The following CEP250 variants were observed in gnomAD, a reference collection of about 807,000 sequenced individuals.
CEP250 encodes the protein centrosomal protein 250, also known as centrosome-associated protein CEP250.
CEP250 carries 242 observed loss-of-function variants against 315.7 expected under a neutral mutation model. The ratio of observed to expected loss-of-function variants is 0.77; its 90% CI spans 0.69 to 0.85. CEP250 has a LOEUF of 0.85. Ranked by LOEUF, CEP250 falls within the 40% of genes least tolerant of loss-of-function variation. The pLI is 0.00. For synonymous variants in CEP250, 1,088 were observed against 1,175.0 expected (o/e 0.93, Z 1.51); for missense variants, 2,515 against 2,886.4 (o/e 0.87, Z 2.95).
In CEP250 at chr20:35,497,935, C is replaced by A. The variant is rs138159510; in HGVS notation, c.3523C>A (p.Gln1175Lys). The change falls in exon 26 of 35, where the codon CAG becomes AAG. Residue 1175 changes from glutamine (Q) to lysine (K), a missense_variant. Coordinates refer to ENST00000397527, the MANE Select transcript of CEP250 (RefSeq NM_007186.6). ...ALAAEQQPGN[Q>K]AQAQAQLASL... ...GGCCGCAGAGCAGCAGCCCGGGAACCAGGCCCAGGCCCAGGCCCAGCTGGC... is the reference window on the plus strand; with the variant it reads ...GGCCGCAGAGCAGCAGCCCGGGAACAAGGCCCAGGCCCAGGCCCAGCTGGC... 68 of 1,610,268 alleles carry A rather than the reference C, an allele frequency of 4.2e-5. 1 individual carries two copies. In the African/African-American group the frequency reaches 8.6e-4, roughly 20 times the overall value.
chr20:35,501,823 C>A, intron 28 of CEP250, 22 bp from the exon 29 acceptor site: 1 of 1,429,770 alleles, frequency 7.0e-7, no homozygotes, highest in Non-Finnish European at 9.1e-7. Context: ...TACCTCTCCT[C>A]TCCTCTCCTC....
intron 11 of CEP250, 112 bp downstream of exon 11, chr20:35,472,263 G>A (rs374268270): frequency 2.8e-6 from 2 of 702,260 alleles, no homozygotes; most frequent in Non-Finnish European, 5.1e-6. Flanking sequence ...GGTGCTTAAA[G>A]TCTTGTGGGG....
chr20:35,466,832 A>G (rs2062890424), intron 7 of CEP250, 134 bp from the exon 8 acceptor site: 1 of 632,308 alleles, frequency 1.6e-6, no homozygotes, highest in African/African-American at 1.8e-5. Flanking sequence ...TAACCTGGAT[A>G]GATACCCATT....
rs2064436051 is a variant in CEP250 at position 35,516,400 on chromosome 20, G to C, written c.*4774G>C. The C allele has an allele frequency of 6.6e-6, 1 of 152,200 alleles. No homozygotes were observed. The highest frequency in any genetic ancestry group is 2.1e-4 in the South Asian group (1 of 4,822). 9.4% of individuals were successfully genotyped at this position (152,200 alleles called of 1,614,324 possible). On this transcript the variant is annotated 3_prime_UTR_variant, in exon 35 of 35. Coordinates refer to ENST00000397527, the MANE Select transcript of CEP250 (RefSeq NM_007186.6). ...ATCTATGAACATTCCAGCCCTGCAG[G>C]TCAGATTGCTGGCCAGGAGTAGTCT...
At chr20:35,498,796 C>A (rs2063921586) in intron 27 of CEP250, 80 bp downstream of exon 27, 2 of 1,448,824 alleles carry the variant, frequency 1.4e-6, no homozygotes, top group Non-Finnish European at 1.8e-6. Context: ...AGCAGTTTGA[C>A]CTGTTTTATT....
chr20:35,508,805 C>T, intron 32 of CEP250, 138 bp from the exon 33 acceptor site: 1 of 686,168 alleles, frequency 1.5e-6, no homozygotes. Context: ...GCTGTGCCTT[C>T]CTCAGCCAGG....
At chr20:35,490,025 T>C (rs2063639647) in intron 20 of CEP250, among the ~76,000 whole-genome samples, 1 of 151,782 alleles carries the variant, frequency 6.6e-6, no homozygotes, top group Admixed American at 6.6e-5. Context: ...AAAATAAGAA[T>C]GCCTAGGCTA....
chr20:35,465,538 A>G (rs1601126620), intron 5 of CEP250, among the ~76,000 whole-genome samples: 1 of 152,084 alleles, frequency 6.6e-6, no homozygotes, highest in African/African-American at 2.4e-5. Context: ...TGAAGATTCT[A>G]TTTACTACTG....
At chr20:35,467,166 T>TGGGGGGGGGGGGGGGGG in intron 8 of CEP250, 94 bp downstream of exon 8, 2 of 103,502 alleles carry the variant, frequency 1.9e-5, no homozygotes, top group Non-Finnish European at 1.7e-5. Context: ...GCTGTGGGGG[T>TGGGGGGGGGGGGGGGGG]GGGGTGGGTG....
chr20:35,507,804 A>G lies in CEP250; in HGVS notation c.6703A>G (p.Thr2235Ala), dbSNP rs769634388. Residue 2235 changes from threonine (T) to alanine (A), a missense_variant, in exon 31 of 35, where the codon ACA (threonine) becomes GCA (alanine). Transcript: ENST00000397527. ...GCTACACAGCCCAGGTGCAACCAGCACAGCAGAACTGGGGTCCAGAGGGGA... is the reference window on the plus strand; with the variant it reads ...GCTACACAGCCCAGGTGCAACCAGCGCAGCAGAACTGGGGTCCAGAGGGGA... ...ERLHSPGATS[T>A]AELGSRGEQG... 16 of 1,576,304 alleles carry G rather than the reference A, an allele frequency of 1.0e-5. No individual in the cohort carries two copies. The South Asian group carries it at 1.8e-4, about 18-fold the overall frequency.
chr20:35,456,768 G>A (rs1287683290), intron 1 of CEP250, among the ~76,000 whole-genome samples: 1 of 149,938 alleles, frequency 6.7e-6, no homozygotes, highest in Non-Finnish European at 1.5e-5. Flanking sequence ...CAAGCTATAA[G>A]TTATATGCCT....
Position 35,508,101 on chromosome 20 carries a change from G to A in CEP250, c.6817G>A (p.Glu2273Lys), listed in dbSNP as rs1412386095. The A allele has an allele frequency of 6.2e-7, 1 of 1,614,042 alleles. No homozygotes were observed. The highest frequency in any genetic ancestry group is 1.7e-5 in the Admixed American group (1 of 59,992). ...MEKQSWRQRL[E>K]HLQQAVARLE... Reference sequence around the variant, plus strand: ...GAAGCAGTCATGGAGACAAAGGCTTGAACACCTGCAGCAAGCAGTGGCCCG... The same window carrying A: ...GAAGCAGTCATGGAGACAAAGGCTTAAACACCTGCAGCAAGCAGTGGCCCG... Residue 2273 changes from glutamate to lysine, a missense_variant, in exon 32 of 35, where the codon GAA becomes AAA. Transcript: ENST00000397527.
chr20:35,490,793 G>A lies in CEP250; in HGVS notation c.2743G>A (p.Ala915Thr), dbSNP rs764141609. The stretch of plus-strand genomic sequence containing the variant: ...AGAAGAACGGACCCAGGCAGAGAGT[G>A]CCCTATGCCAGGTGGGAAGCTAGGA... ...REEERTQAES[A>T]LCQMQLETEK... Residue 915 changes from alanine to threonine, a missense_variant, in exon 21 of 35, where the codon GCC (alanine) becomes ACC (threonine). By Grantham distance (58) the Ala-to-Thr change is moderately conservative. Coordinates refer to ENST00000397527, the MANE Select transcript of CEP250 (RefSeq NM_007186.6). 1 of 1,612,770 alleles carries A rather than the reference G, an allele frequency of 6.2e-7. No individual in the cohort carries two copies. Among genetic ancestry groups the A allele is most frequent in the Admixed American group, 1.7e-5 (1 of 59,942 alleles).
intron 2 of CEP250, 88 bp from the exon 3 acceptor site, chr20:35,459,895 A>G (rs1174430205): frequency 2.0e-5 from 3 of 152,190 alleles, no homozygotes; most frequent in African/African-American, 4.8e-5. Context: ...CTCCCACTGC[A>G]TGCAAAAGCC....
At chr20:35,489,540 G>A (rs919638603) in intron 20 of CEP250, among the ~76,000 whole-genome samples, 1 of 152,204 alleles carries the variant, frequency 6.6e-6, no homozygotes, top group African/African-American at 2.4e-5. Context: ...GAGGCACAGA[G>A]TTGTTTAGAA....
At chr20:35,501,657 G>A (rs528794351) in intron 28 of CEP250, among the ~76,000 whole-genome samples, 188 bp from the exon 29 acceptor site, 1 of 152,298 alleles carries the variant, frequency 6.6e-6, no homozygotes, top group Non-Finnish European at 1.5e-5. Context: ...CAGGCAAATA[G>A]AAGCAGCTGG....
intron 15 of CEP250, chr20:35,476,173 T>A (rs906566158): frequency 1.3e-5 from 4 of 296,788 alleles, no homozygotes; most frequent in East Asian, 6.5e-5. Context: ...TATATTAATA[T>A]TTTTTTTAGT....
At chr20:35,482,318 G>A (rs552090928) in intron 20 of CEP250, among the ~76,000 whole-genome samples, 5 of 151,078 alleles carry the variant, frequency 3.3e-5, no homozygotes, top group Admixed American at 6.6e-5. Context: ...TGCAAGGTCC[G>A]CCTCTGGGTT....
At chr20:35,496,299 T>C (rs1164927280) in intron 24 of CEP250, among the ~76,000 whole-genome samples, 1 of 151,938 alleles carries the variant, frequency 6.6e-6, no homozygotes, top group African/African-American at 2.4e-5. Flanking sequence ...ATCGTGCCAC[T>C]GTACCCCAGC....
Sources: allele counts gnomAD v4.1 joint callset (sites outside exome capture counted in the v4.1 genomes callset), GRCh38; gene constraint gnomAD v4.1.1; transcripts MANE v1.5; gene names NCBI Gene and HGNC (gene_info 2026-07-23, HGNC 2026-07-21).